Variants in FAM53B observed in about 807,000 individuals in gnomAD.
The protein encoded by FAM53B is family with sequence similarity 53 member B.
FAM53B carries 12 observed loss-of-function variants against 32.7 expected under a neutral mutation model. The ratio of observed to expected loss-of-function variants is 0.37; its 90% CI spans 0.24 to 0.59. The LOEUF is 0.59. FAM53B is among the 20% of genes least tolerant of loss of function. FAM53B has a pLI of 0.72. For missense variants in FAM53B, 477 were observed against 577.7 expected, an observed-to-expected ratio of 0.83 and a Z score of 1.79; for synonymous variants, 234 against 228.7, an observed-to-expected ratio of 1.02 and a Z score of -0.21.
intron 1 of FAM53B, among the ~76,000 whole-genome samples, chr10:124,728,508 A>G (rs1193331287): frequency 6.6e-6 from 1 of 152,214 alleles, no homozygotes; most frequent in Non-Finnish European, 1.5e-5. Flanking sequence ...AACCCAGCAG[A>G]TGGAAGAGAC....
At chr10:124,653,383 C>T (rs756220424) in intron 4 of FAM53B, among the ~76,000 whole-genome samples, 8 of 152,274 alleles carry the variant, frequency 5.3e-5, no homozygotes, top group Non-Finnish European at 1.0e-4. Context: ...AGGGCTCTGG[C>T]GTGGGGACCC....
chr10:124,672,531 G>A (rs1237457839), intron 4 of FAM53B, among the ~76,000 whole-genome samples: 6 of 152,204 alleles, frequency 3.9e-5, no homozygotes, highest in Admixed American at 6.5e-5. Context: ...CTTGTTTCCC[G>A]GAGCTGCTGT....
intron 4 of FAM53B, among the ~76,000 whole-genome samples, chr10:124,659,749 G>T (rs1001701360): frequency 1.3e-5 from 2 of 152,198 alleles, no homozygotes; most frequent in African/African-American, 4.8e-5. Flanking sequence ...TCCACCTAAG[G>T]GGCCAGAAGA....
chr10:124,624,429 G>T (rs373540060), intron 4 of FAM53B, among the ~76,000 whole-genome samples: 1 of 152,204 alleles, frequency 6.6e-6, no homozygotes, highest in Admixed American at 6.5e-5. Flanking sequence ...GCTGAGGAGG[G>T]GCCAGGCTCC....
chr10:124,625,328 G>A (rs1214687223), intron 4 of FAM53B, among the ~76,000 whole-genome samples: 1 of 152,206 alleles, frequency 6.6e-6, no homozygotes, highest in African/African-American at 2.4e-5. Context: ...TGAAGGCTGA[G>A]GTGTTGGGGG....
chr10:124,700,262 C>G (rs1424111477), intron 2 of FAM53B, among the ~76,000 whole-genome samples: 2 of 152,220 alleles, frequency 1.3e-5, no homozygotes, highest in African/African-American at 2.4e-5. Flanking sequence ...CCAGTATATG[C>G]TAACATTCCC....
rs147971499 is a variant in FAM53B at position 124,661,434 on chromosome 10, A to G, written c.906+20173T>C. ...CCTCAACTGCAGAGGAAAAAGGCAG[A>G]GTCTAGCTCTCCTTGTAAGCCAGGC... On this transcript the variant is annotated intron_variant, in intron 4 of 4. Transcript: ENST00000337318. Among the ~76,000 whole-genome samples, 871 of 152,324 alleles carry G rather than the reference A, an allele frequency of 5.7e-3. 11 individuals are homozygous for G. Among genetic ancestry groups the G allele is most frequent in the African/African-American group, 0.02 (811 of 41,574 alleles).
At chr10:124,686,876 C>T (rs1949806188) in intron 3 of FAM53B, among the ~76,000 whole-genome samples, 1 of 152,260 alleles carries the variant, frequency 6.6e-6, no homozygotes, top group Admixed American at 6.5e-5. Context: ...GTGCCCTGAA[C>T]CGTCTGCCCT....
chr10:124,701,622 GGCT>G (rs977698279), intron 2 of FAM53B, among the ~76,000 whole-genome samples: 6 of 152,232 alleles, frequency 3.9e-5, no homozygotes, highest in African/African-American at 1.4e-4. Context: ...CAAACGTCTG[GGCT>G]GCCTTCCAGG....
At chr10:124,626,949 G>C (rs1052388340) in intron 4 of FAM53B, among the ~76,000 whole-genome samples, 10 of 152,228 alleles carry the variant, frequency 6.6e-5, no homozygotes, top group Non-Finnish European at 7.3e-5. Context: ...TGTGAAGCAG[G>C]GGGAGTCTAC....
At chr10:124,634,530 G>C (rs1014711261) in intron 4 of FAM53B, among the ~76,000 whole-genome samples, 1 of 152,206 alleles carries the variant, frequency 6.6e-6, no homozygotes, top group African/African-American at 2.4e-5. Context: ...GGTTTTATAA[G>C]GGGCTTTGTT....
intron 3 of FAM53B, among the ~76,000 whole-genome samples, chr10:124,684,028 T>A (rs2134069744): frequency 6.6e-6 from 1 of 152,316 alleles, no homozygotes; most frequent in South Asian, 2.1e-4. Context: ...CTCTTGGGCA[T>A]CCTGCCAAGG....
At chr10:124,684,415 T>G (rs1319348525) in intron 3 of FAM53B, among the ~76,000 whole-genome samples, 1 of 152,238 alleles carries the variant, frequency 6.6e-6, no homozygotes. Flanking sequence ...TCAAACATGC[T>G]TCACCACCAA....
At chr10:124,730,768 A>G (rs1363221105) in intron 1 of FAM53B, among the ~76,000 whole-genome samples, 6 of 152,212 alleles carry the variant, frequency 3.9e-5, no homozygotes, top group African/African-American at 1.4e-4. Flanking sequence ...ATTTAATTTA[A>G]ATTGCCACAT....
chr10:124,685,735 G>A (rs1205811943), intron 3 of FAM53B, among the ~76,000 whole-genome samples: 2 of 152,128 alleles, frequency 1.3e-5, no homozygotes, highest in African/African-American at 2.4e-5. Context: ...AAGGGGAATC[G>A]GGAGCCAGCT....
intron 1 of FAM53B, among the ~76,000 whole-genome samples, chr10:124,721,883 C>T (rs1157522714): frequency 1.3e-5 from 2 of 152,072 alleles, no homozygotes; most frequent in Non-Finnish European, 2.9e-5. Context: ...GGCCTAACCG[C>T]CTAACAGGAA....
chr10:124,703,989 G>A (rs1037216195), intron 2 of FAM53B: 4 of 152,436 alleles, frequency 2.6e-5, no homozygotes, highest in Non-Finnish European at 5.9e-5. Context: ...AGCTGACCTT[G>A]GGCCCACATG....
At chr10:124,711,245 T>C (rs1950001357) in intron 1 of FAM53B, among the ~76,000 whole-genome samples, 2 of 152,214 alleles carry the variant, frequency 1.3e-5, no homozygotes, top group African/African-American at 4.8e-5. Flanking sequence ...AGTCCATTTA[T>C]ATCCCTTTCT....
chr10:124,654,437 C>T (rs375039455), intron 4 of FAM53B, among the ~76,000 whole-genome samples: 17 of 152,334 alleles, frequency 1.1e-4, no homozygotes, highest in African/African-American at 2.9e-4. Flanking sequence ...GAAGGAAGAG[C>T]GCTCCCAGGG....
Sources: allele counts gnomAD v4.1 joint callset (sites outside exome capture counted in the v4.1 genomes callset), GRCh38; gene constraint gnomAD v4.1.1; transcripts MANE v1.5; gene names NCBI Gene and HGNC (gene_info 2026-07-23, HGNC 2026-07-21).